Variants in FHIT observed in about 807,000 individuals in gnomAD.
FHIT encodes bis(5'-adenosyl)-triphosphatase.
Under a neutral mutation model 17.9 loss-of-function variants are expected in FHIT, and 19 were observed. The observed-to-expected ratio is 1.06, with a 90% CI of 0.74 to 1.56. The LOEUF (loss-of-function observed/expected upper bound fraction) is 1.56. Among genes scored for constraint, FHIT ranks in the 40% most tolerant of loss-of-function variants. The probability of loss-of-function intolerance (pLI) is 0.00; values close to 1 mark genes in which losing one functional copy is unlikely to be tolerated. For synonymous variants in FHIT, 81 were observed against 69.7 expected, an observed-to-expected ratio of 1.16 and a Z score of -0.81; for missense variants, 248 against 189.2, an observed-to-expected ratio of 1.31 and a Z score of -1.82.
At chr3:60,426,255 G>T (rs1448961790) in intron 5 of FHIT, among the ~76,000 whole-genome samples, 3 of 152,214 alleles carry the variant, frequency 2.0e-5, no homozygotes, top group Admixed American at 6.5e-5. Context: ...TGCAAATAAG[G>T]CCTGGCATAC....
intron 4 of FHIT, among the ~76,000 whole-genome samples, chr3:60,778,692 T>C (rs1342575200): frequency 1.4e-5 from 2 of 144,570 alleles, no homozygotes; most frequent in Non-Finnish European, 3.0e-5. Flanking sequence ...TGAATATTGT[T>C]ATGGCAATAT....
intron 5 of FHIT, among the ~76,000 whole-genome samples, chr3:60,419,638 A>G (rs1702396934): frequency 6.6e-6 from 1 of 151,912 alleles, no homozygotes; most frequent in African/African-American, 2.4e-5. Context: ...TGTGGTGTGT[A>G]TTTTCCTCCA....
intron 3 of FHIT, among the ~76,000 whole-genome samples, chr3:60,909,147 G>T (rs561998219): frequency 2.0e-5 from 3 of 152,186 alleles, no homozygotes. Context: ...GAGATGGGTG[G>T]ATCACGAGGT....
At chr3:60,685,735 T>G (rs1256537608) in intron 4 of FHIT, among the ~76,000 whole-genome samples, 3 of 152,178 alleles carry the variant, frequency 2.0e-5, no homozygotes, top group Admixed American at 6.5e-5. Flanking sequence ...TATGGAAACC[T>G]CACACATGTA....
At chr3:60,104,560 A>G (rs943281727) in intron 5 of FHIT, among the ~76,000 whole-genome samples, 1 of 151,800 alleles carries the variant, frequency 6.6e-6, no homozygotes, top group African/African-American at 2.4e-5. Context: ...ATCTTTTAGA[A>G]TTGCAATGCA....
intron 2 of FHIT, among the ~76,000 whole-genome samples, chr3:61,146,756 A>T (rs1022090826): frequency 6.6e-6 from 1 of 152,026 alleles, no homozygotes; most frequent in Non-Finnish European, 1.5e-5. Context: ...AGAATTCCTC[A>T]GGGTATATGC....
intron 2 of FHIT, among the ~76,000 whole-genome samples, chr3:61,061,894 A>G (rs1367868230): frequency 1.3e-5 from 2 of 152,172 alleles, no homozygotes; most frequent in East Asian, 1.9e-4. Flanking sequence ...GGGAGCCTAT[A>G]TTAATAATTT....
intron 4 of FHIT, among the ~76,000 whole-genome samples, chr3:60,787,005 A>AAC (rs1491316682): frequency 1.9e-4 from 8 of 41,236 alleles, no homozygotes; most frequent in Non-Finnish European, 3.8e-4. Context: ...AGACAAAAAG[A>AAC]AAAAAAAAAA....
intron 3 of FHIT, among the ~76,000 whole-genome samples, chr3:60,957,902 C>G (rs1709246448): frequency 6.6e-6 from 1 of 152,206 alleles, no homozygotes; most frequent in Non-Finnish European, 1.5e-5. Context: ...CTTCTCTGTT[C>G]TTAACACCTG....
At chr3:60,571,335 C>CAAAAAA (rs56094072) in intron 4 of FHIT, among the ~76,000 whole-genome samples, 1,260 of 54,534 alleles carry the variant, frequency 0.023, 116 homozygotes, top group Middle Eastern at 0.079. Context: ...GACTCCATCG[C>CAAAAAA]AAAAAAAAAA....
At chr3:60,110,663 G>A (rs531206313) in intron 5 of FHIT, among the ~76,000 whole-genome samples, 2 of 152,246 alleles carry the variant, frequency 1.3e-5, no homozygotes, top group East Asian at 3.9e-4. Context: ...TCATAGAGGT[G>A]TTTGAAATAG....
At chr3:59,751,059 A>G in intron 9 of FHIT, 1 of 180,974 alleles carries the variant, frequency 5.5e-6, no homozygotes, top group Non-Finnish European at 1.2e-5. Flanking sequence ...TTTATAGGAG[A>G]GGATCTGTAA....
intron 5 of FHIT, among the ~76,000 whole-genome samples, chr3:60,237,976 A>AAAT (rs1249569777): frequency 6.6e-6 from 1 of 151,640 alleles, no homozygotes; most frequent in African/African-American, 2.4e-5. Context: ...TCTCTACTAA[A>AAAT]AATAATAATA....
At chr3:59,825,220 A>T (rs1212338298) in intron 8 of FHIT, among the ~76,000 whole-genome samples, 1 of 151,882 alleles carries the variant, frequency 6.6e-6, no homozygotes, top group East Asian at 1.9e-4. Context: ...TTTAGTTCAT[A>T]TTTCTTCTCC....
At chr3:60,279,664 G>A (rs779896808) in intron 5 of FHIT, among the ~76,000 whole-genome samples, 3 of 152,118 alleles carry the variant, frequency 2.0e-5, no homozygotes. Flanking sequence ...TATAAAAAGC[G>A]TCAACAAAAT....
intron 2 of FHIT, among the ~76,000 whole-genome samples, chr3:61,173,897 T>C (rs928971386): frequency 6.6e-6 from 1 of 152,250 alleles, no homozygotes; most frequent in Non-Finnish European, 1.5e-5. Context: ...GTCATCCTGT[T>C]TGTTATCACT....
intron 8 of FHIT, among the ~76,000 whole-genome samples, chr3:59,860,291 C>G (rs1276943547): frequency 6.6e-6 from 1 of 152,014 alleles, no homozygotes; most frequent in East Asian, 1.9e-4. Context: ...GGCCAAAGGA[C>G]AGCTAGCTGA....
rs192907765 is a variant in FHIT, at chr3:60,169,484, G to C, written c.104-155332C>G. 1.1e-4 allele frequency among the ~76,000 whole-genome samples: 16 copies of C among 152,208 alleles called. No individual in the cohort carries two copies. In the East Asian group the frequency reaches 3.1e-3, roughly 29 times the overall value. On this transcript the variant is annotated intron_variant, in intron 5 of 9. Coordinates refer to ENST00000492590, the MANE Select transcript of FHIT (RefSeq NM_002012.4). Reference sequence around the variant, plus strand: ...ATGAAAACATTAAAAACCATCTTTTGGTGATAATTGTTGTTTTAAACTGAC... The same window carrying C: ...ATGAAAACATTAAAAACCATCTTTTCGTGATAATTGTTGTTTTAAACTGAC...
At chr3:60,971,097 G>A (rs1040933928) in intron 3 of FHIT, among the ~76,000 whole-genome samples, 2 of 152,156 alleles carry the variant, frequency 1.3e-5, no homozygotes, top group Non-Finnish European at 2.9e-5. Flanking sequence ...GCCAGGCGCA[G>A]TGGCTTACAC....
Sources: gnomAD v4.1 joint callset for allele counts (sites outside exome capture counted in the v4.1 genomes callset) on GRCh38, gnomAD v4.1.1 for gene constraint, MANE v1.5 for transcripts, NCBI Gene and HGNC (gene_info 2026-07-23, HGNC 2026-07-21) for gene names.